ELP3: variants seen among roughly 807,000 people sequenced by gnomAD.
ELP3 encodes elongator complex protein 3.
ELP3 carries 56 observed loss-of-function variants against 74.9 expected under a neutral mutation model. The observed-to-expected ratio is 0.75, with a 90% CI of 0.60 to 0.93. The LOEUF (loss-of-function observed/expected upper bound fraction) is 0.93, where lower values mean the gene tolerates loss of function less well. ELP3 is among the 40% of genes least tolerant of loss of function. ELP3 has a pLI of 0.00. For missense variants in ELP3, 573 were observed against 686.5 expected, an observed-to-expected ratio of 0.83 and a Z score of 1.85; for synonymous variants, 222 against 239.8, an observed-to-expected ratio of 0.93 and a Z score of 0.68.
chr8:28,134,170 A>C (rs1342144012), intron 9 of ELP3, among the ~76,000 whole-genome samples: 1 of 152,220 alleles, frequency 6.6e-6, no homozygotes, highest in East Asian at 1.9e-4. Context: ...TGTGAAACAC[A>C]CTGTTCTTTA....
intron 7 of ELP3, among the ~76,000 whole-genome samples, chr8:28,120,170 C>G (rs1165708408): frequency 6.6e-6 from 1 of 152,186 alleles, no homozygotes; most frequent in Non-Finnish European, 1.5e-5. Flanking sequence ...GTCATTTTCC[C>G]AAAATGGCTC....
rs755651944 is a variant in ELP3 at position 28,099,814 on chromosome 8, T to C, written c.120-14T>C. On this transcript the variant is annotated splice_polypyrimidine_tract_variant and intron_variant, in intron 2 of 14. Transcript: ENST00000256398. ...TAACCGTAATCTTGATAATGTGAGA[T>C]GCTTTACTTTCAGGGTGAAAACCAA... is the stretch of plus-strand genomic sequence containing the variant. 3 of 1,614,000 alleles carry C rather than the reference T, an allele frequency of 1.9e-6. No individual in the cohort carries two copies. The highest frequency in any genetic ancestry group is 2.5e-6 in the Non-Finnish European group (3 of 1,180,016).
At chr8:28,134,604 C>T (rs181872223) in intron 9 of ELP3, among the ~76,000 whole-genome samples, 5 of 152,084 alleles carry the variant, frequency 3.3e-5, no homozygotes, top group African/African-American at 1.2e-4. Context: ...AAAACTTGAA[C>T]AAGCATTTCA....
intron 7 of ELP3, among the ~76,000 whole-genome samples, chr8:28,129,049 T>A (rs1585679144): frequency 1.4e-5 from 2 of 144,860 alleles, no homozygotes; most frequent in East Asian, 3.8e-4. Context: ...CCCCCTTTTT[T>A]TTCTTTCATT....
rs147462079 is a variant in ELP3, at chr8:28,120,058, G to A, written c.617+6885G>A. 7.2e-4 allele frequency among the ~76,000 whole-genome samples: 109 copies of A among 152,254 alleles called. No individual in the cohort carries two copies. In the Middle Eastern group the frequency reaches 0.014, roughly 19 times the overall value. ...CATTATGAATAAAACTTCAGCGTAC[G>A]TTCTTGTGTAAGTCTTTTTGTGGCT... On this transcript the variant is annotated intron_variant, in intron 7 of 14. Coordinates refer to ENST00000256398, the MANE Select transcript of ELP3 (RefSeq NM_018091.6).
chr8:28,096,405 T>C (rs1811254589), intron 1 of ELP3, among the ~76,000 whole-genome samples: 1 of 152,206 alleles, frequency 6.6e-6, no homozygotes, highest in African/African-American at 2.4e-5. Flanking sequence ...ATCAAAAAGG[T>C]TGGGAACCAC....
At chr8:28,127,942 T>C (rs574299232) in intron 7 of ELP3, among the ~76,000 whole-genome samples, 1 of 152,340 alleles carries the variant, frequency 6.6e-6, no homozygotes, top group Non-Finnish European at 1.5e-5. Context: ...TTAATTATTA[T>C]TGGCAATAAA....
intron 14 of ELP3, among the ~76,000 whole-genome samples, chr8:28,178,920 C>T (rs1359379517): frequency 2.0e-5 from 3 of 152,174 alleles, no homozygotes; most frequent in African/African-American, 4.8e-5. Context: ...GCTGTGTGCA[C>T]ATGTGTGTGT....
intron 8 of ELP3, among the ~76,000 whole-genome samples, chr8:28,130,635 G>A (rs1207304360): frequency 6.6e-6 from 1 of 152,226 alleles, no homozygotes; most frequent in Admixed American, 6.5e-5. Flanking sequence ...GTGGAGTGCT[G>A]TAGCCTTCAA....
chr8:28,101,142 G>T (rs1811464072), intron 3 of ELP3, among the ~76,000 whole-genome samples: 1 of 152,058 alleles, frequency 6.6e-6, no homozygotes, highest in Non-Finnish European at 1.5e-5. Context: ...TGTTAGCCAG[G>T]CACGGTGGCT....
intron 11 of ELP3, among the ~76,000 whole-genome samples, chr8:28,156,315 G>T (rs1458312001): frequency 6.6e-6 from 1 of 152,138 alleles, no homozygotes; most frequent in Non-Finnish European, 1.5e-5. Context: ...GAAGTATTAG[G>T]TATTCAGTTA....
chr8:28,148,707 T>C (rs886124032), intron 10 of ELP3, among the ~76,000 whole-genome samples: 1 of 152,220 alleles, frequency 6.6e-6, no homozygotes, highest in Non-Finnish European at 1.5e-5. Flanking sequence ...TTTTCTACTT[T>C]AGCTCATTGT....
intron 10 of ELP3, among the ~76,000 whole-genome samples, chr8:28,150,361 A>T (rs1018798654): frequency 5.3e-5 from 8 of 152,154 alleles, no homozygotes; most frequent in Admixed American, 5.2e-4. Context: ...CTCTCTAAAG[A>T]ATTTCTTTTA....
chr8:28,184,776 A>G (rs1486826692), intron 14 of ELP3, among the ~76,000 whole-genome samples: 5 of 152,226 alleles, frequency 3.3e-5, no homozygotes, highest in African/African-American at 4.8e-5. Context: ...GGACATATAA[A>G]AGAGCAAAAC....
rs140330321 is a variant in ELP3 at position 28,139,174 on chromosome 8, CAG to C, written c.1100+1286_1100+1287del. ...CAAGGGCAGATCTGGTACAGGATGT[CAG>C]AGCTGTACGTCCTCTAGGGGTGGGT... On this transcript the variant is annotated intron_variant, in intron 10 of 14. Transcript: ENST00000256398. Among the ~76,000 whole-genome samples, 466 of 152,202 alleles carry C rather than the reference CAG, an allele frequency of 3.1e-3. 4 individuals carry two copies. The highest frequency in any genetic ancestry group is 0.01 in the African/African-American group (434 of 41,524).
chr8:28,173,754 C>T (rs1237245215), intron 14 of ELP3, among the ~76,000 whole-genome samples: 1 of 151,768 alleles, frequency 6.6e-6, no homozygotes, highest in African/African-American at 2.4e-5. Flanking sequence ...CTATAAGTTT[C>T]CCTCTGAGCA....
chr8:28,156,007 C>G lies in ELP3; in HGVS notation c.1166C>G (p.Ala389Gly), dbSNP rs370302582. The G allele has an allele frequency of 6.8e-6, 11 of 1,613,806 alleles. No homozygotes were observed. The African/African-American group carries it at 1.3e-4, about 20-fold the overall frequency. The change falls in exon 11 of 15, where the codon GCA becomes GGA. Residue 389 changes from alanine to glycine, a missense_variant. Physicochemically the swap from Ala to Gly is moderately conservative, Grantham distance 60. Transcript: ENST00000256398. ...GGTAACCTGAGAGAGCTGGCACTTG[C>G]AAGAATGAAAGACCTCGGAATACAG... ...EHGNLRELALARMKDLGIQCR... is the reference protein window; with the variant it reads ...EHGNLRELALGRMKDLGIQCR...
chr8:28,154,704 G>A lies in ELP3; in HGVS notation c.1101-1238G>A, dbSNP rs143005778. Among the ~76,000 whole-genome samples the A allele has an allele frequency of 1.4e-4, 22 of 152,094 alleles. No homozygotes were observed. In the East Asian group the frequency reaches 2.3e-3, roughly 16 times the overall value. ...TTTACTTTAGTAGCCTTCATTTAGC[G>A]TCATCTGATTACTAATTTTAAAATG... On this transcript the variant is annotated intron_variant, in intron 10 of 14. Transcript: ENST00000256398.
intron 14 of ELP3, among the ~76,000 whole-genome samples, chr8:28,174,717 G>C (rs978681988): frequency 1.1e-4 from 16 of 152,198 alleles, no homozygotes; most frequent in African/African-American, 3.9e-4. Flanking sequence ...GTTTACTTAT[G>C]TAATTATCTT....
Sources: allele counts gnomAD v4.1 joint callset (sites outside exome capture counted in the v4.1 genomes callset), GRCh38; gene constraint gnomAD v4.1.1; transcripts MANE v1.5; gene names NCBI Gene and HGNC (gene_info 2026-07-23, HGNC 2026-07-21).